PPARGC1B: variants seen among roughly 807,000 people sequenced by gnomAD.
The protein encoded by PPARGC1B is PPARG coactivator 1 beta.
PPARGC1B carries 34 observed loss-of-function variants against 101.6 expected under a neutral mutation model. That is an observed-to-expected ratio of 0.33 (90% CI 0.25 to 0.45). The LOEUF (loss-of-function observed/expected upper bound fraction) is 0.45. Among genes scored for constraint, PPARGC1B ranks in the 20% least tolerant of loss-of-function variants. PPARGC1B has a pLI of 1.00. For missense variants in PPARGC1B, 1,234 were observed against 1,317.6 expected, an observed-to-expected ratio of 0.94 and a Z score of 0.98; for synonymous variants, 548 against 539.3, an observed-to-expected ratio of 1.02 and a Z score of -0.22.
intron 2 of PPARGC1B, among the ~76,000 whole-genome samples, chr5:149,823,312 A>G (rs778478258): frequency 6.6e-6 from 1 of 152,168 alleles, no homozygotes; most frequent in Non-Finnish European, 1.5e-5. Flanking sequence ...ACCTACTCCC[A>G]GAAAAATAGG....
chr5:149,798,270 A>G (rs1429338677), intron 1 of PPARGC1B, among the ~76,000 whole-genome samples: 1 of 152,270 alleles, frequency 6.6e-6, no homozygotes, highest in African/African-American at 2.4e-5. Flanking sequence ...GCACCACAAA[A>G]AAATCATATT....
chr5:149,730,627 G>A lies in PPARGC1B; in HGVS notation c.78+207G>A, dbSNP rs1412919949. Among the ~76,000 whole-genome samples the A allele has an allele frequency of 6.6e-6, 1 of 152,070 alleles. No homozygotes were observed. Among genetic ancestry groups the A allele is most frequent in the Non-Finnish European group, 1.5e-5 (1 of 67,962 alleles). On this transcript the variant is annotated intron_variant, in intron 1 of 11. Transcript: ENST00000309241. The surrounding 1 kb of genome is among the most constrained non-coding windows in gnomAD (Gnocchi z 4.0). Reference sequence around the variant, plus strand: ...GTCTCCCGGCGCGTGCCGGAGCGCTGGGGGCGCTACGGCCGCTGGGGAGGG... The same window carrying A: ...GTCTCCCGGCGCGTGCCGGAGCGCTAGGGGCGCTACGGCCGCTGGGGAGGG...
chr5:149,762,347 A>C (rs1755747474), intron 1 of PPARGC1B, among the ~76,000 whole-genome samples: 1 of 152,130 alleles, frequency 6.6e-6, no homozygotes, highest in Admixed American at 6.5e-5. Context: ...AGGTTTTACC[A>C]TGTAGCCCAG....
chr5:149,756,836 G>A (rs1755540155), intron 1 of PPARGC1B, among the ~76,000 whole-genome samples: 1 of 152,194 alleles, frequency 6.6e-6, no homozygotes, highest in African/African-American at 2.4e-5. Context: ...GACTAGGGGT[G>A]TGGTATGTGT....
intron 1 of PPARGC1B, among the ~76,000 whole-genome samples, chr5:149,754,800 T>C (rs1215908957): frequency 3.6e-5 from 3 of 82,924 alleles, no homozygotes; most frequent in Non-Finnish European, 7.4e-5. Flanking sequence ...TTTTTTTTTT[T>C]AGACAGAGTC....
At chr5:149,814,232 G>A (rs1459552821) in intron 1 of PPARGC1B, among the ~76,000 whole-genome samples, 2 of 152,198 alleles carry the variant, frequency 1.3e-5, no homozygotes, top group Non-Finnish European at 2.9e-5. Context: ...CAAAGCCAGT[G>A]CCCTTTTGCC....
At chr5:149,738,740 G>A (rs1024006710) in intron 1 of PPARGC1B, among the ~76,000 whole-genome samples, 9 of 152,112 alleles carry the variant, frequency 5.9e-5, no homozygotes, top group Admixed American at 3.9e-4. Flanking sequence ...GAGACTACAG[G>A]CATGTGCTAC....
intron 1 of PPARGC1B, among the ~76,000 whole-genome samples, chr5:149,786,886 A>G (rs1756829832): frequency 6.6e-6 from 1 of 152,190 alleles, no homozygotes; most frequent in African/African-American, 2.4e-5. Flanking sequence ...TGCCTGCTGC[A>G]TTTCTTTCCT....
At chr5:149,844,895 G>T (rs1226209680) in intron 10 of PPARGC1B, among the ~76,000 whole-genome samples, 1 of 152,200 alleles carries the variant, frequency 6.6e-6, no homozygotes, top group African/African-American at 2.4e-5. Context: ...TTCTCGGGCA[G>T]ACTTTTCTCC....
chr5:149,784,671 C>T (rs927944721), intron 1 of PPARGC1B, among the ~76,000 whole-genome samples: 4 of 150,610 alleles, frequency 2.7e-5, no homozygotes, highest in African/African-American at 7.3e-5. Flanking sequence ...GGGTTCACAC[C>T]GTTCTCCCAC....
chr5:149,741,454 C>T (rs899532466), intron 1 of PPARGC1B, among the ~76,000 whole-genome samples: 1 of 152,176 alleles, frequency 6.6e-6, no homozygotes, highest in Non-Finnish European at 1.5e-5. Context: ...GCCACAGCAG[C>T]CCCTGCTCAA....
intron 1 of PPARGC1B, chr5:149,761,311 A>T (rs960282169): frequency 6.6e-6 from 1 of 152,102 alleles, no homozygotes; most frequent in Non-Finnish European, 1.5e-5. Flanking sequence ...AGTCAATTTC[A>T]AGTATACAAT....
intron 1 of PPARGC1B, among the ~76,000 whole-genome samples, chr5:149,757,226 T>C (rs1755563632): frequency 6.6e-6 from 1 of 152,054 alleles, no homozygotes; most frequent in South Asian, 2.1e-4. Flanking sequence ...TTCCAGGCAG[T>C]GAGAAAAGCC....
chr5:149,784,325 G>A (rs56268438), intron 1 of PPARGC1B, among the ~76,000 whole-genome samples: 9,935 of 151,908 alleles, frequency 0.065, 351 homozygotes, highest in South Asian at 0.11. Context: ...ACAACGGCCT[G>A]TGAAGCAGCC....
intron 1 of PPARGC1B, among the ~76,000 whole-genome samples, chr5:149,756,435 G>A (rs939917379): frequency 5.9e-5 from 9 of 152,084 alleles, no homozygotes; most frequent in Non-Finnish European, 1.0e-4. Context: ...CTGGGCAACA[G>A]GGCAAGACTC....
chr5:149,762,937 C>A (rs1755768181), intron 1 of PPARGC1B, among the ~76,000 whole-genome samples: 1 of 152,170 alleles, frequency 6.6e-6, no homozygotes, highest in South Asian at 2.1e-4. Flanking sequence ...TAGGTGTGCA[C>A]CATTACACCC....
intron 1 of PPARGC1B, among the ~76,000 whole-genome samples, chr5:149,794,547 CACACACAT>C (rs747216363): frequency 9.7e-4 from 136 of 140,434 alleles, no homozygotes; most frequent in Non-Finnish European, 1.8e-3. Context: ...CACACACACA[CACACACAT>C]TCAAGCAAAA....
intron 1 of PPARGC1B, among the ~76,000 whole-genome samples, chr5:149,766,024 T>C (rs1373297314): frequency 6.6e-6 from 1 of 152,196 alleles, no homozygotes; most frequent in African/African-American, 2.4e-5. Context: ...TTAAAAAAAA[T>C]GAATACATAT....
intron 1 of PPARGC1B, chr5:149,732,742 C>T (rs2113054102): frequency 4.3e-6 from 2 of 467,246 alleles, no homozygotes; most frequent in Non-Finnish European, 8.9e-6. Flanking sequence ...TGTGCTCCTC[C>T]TTATTTTACA....
Sources: allele counts gnomAD v4.1 joint callset (sites outside exome capture counted in the v4.1 genomes callset), GRCh38; gene constraint gnomAD v4.1.1; non-coding constraint Gnocchi (gnomAD v3.1); transcripts MANE v1.5; gene names NCBI Gene and HGNC (gene_info 2026-07-23, HGNC 2026-07-21).